ANKRD24: variants seen among roughly 807,000 people sequenced by gnomAD.
ANKRD24 encodes ankyrin repeat domain 24.
ANKRD24 carries 109 observed loss-of-function variants against 127.8 expected under a neutral mutation model. That is an observed-to-expected ratio of 0.85 (90% confidence interval 0.73 to 1.00). The LOEUF (loss-of-function observed/expected upper bound fraction) is 1.00. Ranked by LOEUF, ANKRD24 falls within the 50% of genes least tolerant of loss-of-function variation. The probability of loss-of-function intolerance (pLI) is 0.00; values close to 1 mark genes in which losing one functional copy is unlikely to be tolerated. For missense variants in ANKRD24, 1,648 were observed against 1,570.2 expected (o/e 1.05, Z -0.84); for synonymous variants, 743 against 671.1 (o/e 1.11, Z -1.66).
chr19:4,223,393 A>AT lies in ANKRD24; in HGVS notation c.3297+599dup, dbSNP rs1204092268. Reference sequence around the variant, plus strand: ...CATACATATATATATATATATATATATATATATATTTTTTTTTTTTTTTTT... The same window carrying AT: ...CATACATATATATATATATATATATATTATATATATTTTTTTTTTTTTTTTT... On this transcript the variant is annotated intron_variant, in intron 20 of 21. Transcript: ENST00000318934. 9.9e-4 allele frequency among the ~76,000 whole-genome samples: 78 copies of AT among 78,868 alleles called. 2 individuals carry two copies. The highest frequency in any genetic ancestry group is 6.2e-3 in the Middle Eastern group (1 of 162). 51.7% of individuals were successfully genotyped at this position (78,868 alleles called of 152,430 possible).
chr19:4,186,594 T>C, intron 2 of ANKRD24, 133 bp downstream of exon 2: 1 of 1,032,084 alleles, frequency 9.7e-7, no homozygotes, highest in Admixed American at 2.1e-5. Context: ...CCCCCTAGCG[T>C]CATGACCTCC....
chr19:4,198,466 GC>G lies in ANKRD24; in HGVS notation c.37-1211del, dbSNP rs1016600993. Reference sequence around the variant, plus strand: ...GCCGCCTCCTCTTGGAACCCCGTGCGCCCCCCGCGCCCCGCGCCCCGGACGC... The same window carrying G: ...GCCGCCTCCTCTTGGAACCCCGTGCGCCCCCGCGCCCCGCGCCCCGGACGC... On this transcript the variant is annotated intron_variant, in intron 2 of 21. Coordinates refer to ENST00000318934, the MANE Select transcript of ANKRD24 (RefSeq NM_001393985.1). The surrounding 1 kb of genome is among the most constrained non-coding windows in gnomAD (Gnocchi z 6.1). 6 of 612,830 alleles carry G rather than the reference GC, an allele frequency of 9.8e-6. No homozygotes were observed. The highest frequency in any genetic ancestry group is 1.2e-5 in the Non-Finnish European group (4 of 340,686). The allele number at this position is 612,830 out of a possible 1,614,324, so 38.0% of individuals were successfully genotyped here.
chr19:4,218,287 A>T (rs967519182), intron 18 of ANKRD24, 124 bp downstream of exon 18: 71 of 598,100 alleles, frequency 1.2e-4, no homozygotes, highest in Non-Finnish European at 1.6e-4. Context: ...ACTTTATTTT[A>T]TTTATTTATT....
chr19:4,210,438 C>T, intron 13 of ANKRD24, 66 bp downstream of exon 13: 3 of 1,343,332 alleles, frequency 2.2e-6, no homozygotes, highest in African/African-American at 1.5e-5. Context: ...CATGAAGATC[C>T]CCCTACTTTT....
Position 4,224,406 on chromosome 19 carries a change from T to C in ANKRD24, c.3364-22T>C, listed in dbSNP as rs74549045. ...GCCATGGAGGGTATACTCAGGGTCT[T>C]CCTCTACTCCCCCAACCCTAGGGCC... On this transcript the variant is annotated intron_variant, in intron 21 of 21. Coordinates refer to ENST00000318934, the MANE Select transcript of ANKRD24 (RefSeq NM_001393985.1). 0.018 allele frequency: 29,772 copies of C among 1,610,894 alleles called. 2,130 individuals are homozygous for C. The African/African-American group carries it at 0.23, about 13-fold the overall frequency.
intron 7 of ANKRD24, chr19:4,207,004 C>G (rs1893744368): frequency 3.5e-6 from 2 of 565,906 alleles, no homozygotes; most frequent in South Asian, 4.2e-5. Flanking sequence ...CTCCTGAGCT[C>G]AAGCGGTCCT....
chr19:4,213,928 C>G (rs1969912410), intron 15 of ANKRD24, among the ~76,000 whole-genome samples: 1 of 152,150 alleles, frequency 6.6e-6, no homozygotes, highest in South Asian at 2.1e-4. Flanking sequence ...AGCCACCACA[C>G]TCAGACCCAG....
At position 4,224,184 on chromosome 19, in the gene ANKRD24, G is replaced by T; in HGVS notation, c.3355G>T (p.Ala1119Ser). The T allele has an allele frequency of 6.2e-7, 1 of 1,611,302 alleles. No individual in the cohort carries two copies. Among genetic ancestry groups the T allele is most frequent in the Non-Finnish European group, 8.5e-7 (1 of 1,179,090 alleles). The change falls in exon 21 of 22, where the codon GCC (alanine) becomes TCC (serine). Residue 1119 changes from alanine (A) to serine (S), a missense_variant. By Grantham distance (99) the Ala-to-Ser change is moderately conservative. Transcript: ENST00000318934. ...TTTGTACAGAAGCCACCTCCTATAT[G>T]CCATTCAGGTGAGTGGCCCAGCTCC... The part of the protein sequence containing the change: ...VALYRSHLLY[A>S]IQGQMDEDVQ...
rs771211944 is a variant in ANKRD24, at chr19:4,219,678, C to T, written c.3091C>T (p.Arg1031Trp). The T allele has an allele frequency of 1.7e-5, 28 of 1,613,650 alleles. No individual in the cohort carries two copies. The African/African-American group carries it at 2.1e-4, about 12-fold the overall frequency. Residue 1031 changes from arginine to tryptophan, a missense_variant, in exon 19 of 22, where the codon CGG (arginine) becomes TGG (tryptophan). Arg to Trp is a moderately radical substitution (Grantham distance 101). Coordinates refer to ENST00000318934, the MANE Select transcript of ANKRD24 (RefSeq NM_001393985.1). Reference sequence around the variant, plus strand: ...AGCAGAGCAGCAGCTACGGGGGCTACGGACCGAGGCGGAAAGGGCTCGCCA... The same window carrying T: ...AGCAGAGCAGCAGCTACGGGGGCTATGGACCGAGGCGGAAAGGGCTCGCCA... Reference protein sequence around the residue: ...ATAEQQLRGLRTEAERARQAQ... With the variant: ...ATAEQQLRGLWTEAERARQAQ...
chr19:4,207,341 A>G, intron 8 of ANKRD24, 29 bp downstream of exon 8: 2 of 1,609,440 alleles, frequency 1.2e-6, no homozygotes, highest in Non-Finnish European at 1.7e-6. Context: ...TTCAGGGAAG[A>G]TGTTATGCTT....
Position 4,215,995 on chromosome 19 carries a change from T to G in ANKRD24, c.1215T>G (p.Thr405=), listed in dbSNP as rs1341540313. The part of the protein sequence containing the change: ...LSLLENEREN[T]SYDVTTLQDE... ...CCCCCCAGAACGAGCGGGAGAATAC[T>G]AGCTATGACGTAACCACCCTGCAGG... The change falls in exon 16 of 22, where the codon ACT becomes ACG. Residue 405 remains threonine, a synonymous_variant. Transcript: ENST00000318934. The G allele has an allele frequency of 1.9e-6, 3 of 1,598,278 alleles. No individual in the cohort carries two copies. Among genetic ancestry groups the G allele is most frequent in the African/African-American group, 2.7e-5 (2 of 74,434 alleles).
chr19:4,222,944 A>G, intron 20 of ANKRD24, 149 bp downstream of exon 20: 1 of 956,180 alleles, frequency 1.0e-6, no homozygotes, highest in Non-Finnish European at 1.4e-6. Flanking sequence ...TGGCCAGGAA[A>G]TACTTCCTTT....
Position 4,195,349 on chromosome 19 carries a change from C to G in ANKRD24, c.37-4334C>G, listed in dbSNP as rs1011195924. On this transcript the variant is annotated intron_variant, in intron 2 of 21. Transcript: ENST00000318934. This position sits in a 1 kb window ranked among gnomAD's most constrained non-coding sequence, Gnocchi z 4.2. ...TCAGCCTCCCAAAGTGCTGGGATGA[C>G]AGGCGTGAGCCACCATGCCTGGCCA... Among the ~76,000 whole-genome samples the G allele has an allele frequency of 2.6e-5, 4 of 151,572 alleles. No homozygotes were observed. The highest frequency in any genetic ancestry group is 9.7e-5 in the African/African-American group (4 of 41,238).
In ANKRD24 at chr19:4,207,776, G is replaced by C. The variant is rs899367523; in HGVS notation, c.645-5G>C. The C allele has an allele frequency of 1.3e-6, 2 of 1,569,930 alleles. No individual in the cohort carries two copies. Among genetic ancestry groups the C allele is most frequent in the Non-Finnish European group, 1.7e-6 (2 of 1,156,844 alleles). ...CATCTCCTCAGTAGCCCCCTCCCCT[G>C]GTAGGACGGCCCTGATGCTGGCCTG... On this transcript the variant is annotated splice_region_variant and splice_polypyrimidine_tract_variant and intron_variant, in intron 9 of 21. Coordinates refer to ENST00000318934, the MANE Select transcript of ANKRD24 (RefSeq NM_001393985.1).
chr19:4,215,583 G>A (rs1412647137), intron 15 of ANKRD24, among the ~76,000 whole-genome samples: 6 of 145,858 alleles, frequency 4.1e-5, no homozygotes, highest in Admixed American at 1.4e-4. Context: ...CCTGGGCGAC[G>A]TGACGAGACC....
intron 2 of ANKRD24, among the ~76,000 whole-genome samples, chr19:4,196,965 G>A (rs1292252959): frequency 6.6e-6 from 1 of 152,312 alleles, no homozygotes; most frequent in East Asian, 1.9e-4. Flanking sequence ...GAGAATGTCA[G>A]AGCTGCGCCG....
chr19:4,193,049 C>G (rs1036494548), intron 2 of ANKRD24, among the ~76,000 whole-genome samples: 2 of 151,832 alleles, frequency 1.3e-5, no homozygotes, highest in Non-Finnish European at 2.9e-5. Flanking sequence ...GCCTGTAATC[C>G]CAGCACTTTG....
Position 4,198,362 on chromosome 19 carries a change from G to GAGGGCGGGAC in ANKRD24, c.37-1321_37-1320insAGGGCGGGAC. On this transcript the variant is annotated intron_variant, in intron 2 of 21. Transcript: ENST00000318934. This position sits in a 1 kb window ranked among gnomAD's most constrained non-coding sequence, Gnocchi z 6.1. ...CACCAGGGAGGGCGGGACCGGGCGG[G>GAGGGCGGGAC]CGGGCGGGGCGGGGAGCTCCGGCAG... The GAGGGCGGGAC allele has an allele frequency of 2.5e-6, 1 of 406,016 alleles. No individual in the cohort carries two copies. The highest frequency in any genetic ancestry group is 4.3e-6 in the Non-Finnish European group (1 of 231,066). The allele number at this position is 406,016 out of a possible 1,614,324, so 25.2% of individuals were successfully genotyped here. A position where few individuals can be genotyped will look rare whatever the true frequency, so the allele number is the denominator to read the frequency against.
chr19:4,219,115 G>A (rs374684375), intron 18 of ANKRD24, among the ~76,000 whole-genome samples: 209 of 151,996 alleles, frequency 1.4e-3, no homozygotes, highest in African/African-American at 4.8e-3. Context: ...GTGAAACCCC[G>A]TCTCTACTAA....
Sources: allele counts gnomAD v4.1 joint callset (sites outside exome capture counted in the v4.1 genomes callset), GRCh38; gene constraint gnomAD v4.1.1; non-coding constraint Gnocchi (gnomAD v3.1); transcripts MANE v1.5; gene names NCBI Gene and HGNC (gene_info 2026-07-23, HGNC 2026-07-21).